KCNIP4: variants seen among roughly 807,000 people sequenced by gnomAD.
KCNIP4 encodes potassium voltage-gated channel interacting protein 4, also known as Kv channel-interacting protein 4.
KCNIP4 carries 12 observed loss-of-function variants against 34.0 expected under a neutral mutation model. That is an observed-to-expected ratio of 0.35 (90% CI 0.23 to 0.57). The LOEUF (loss-of-function observed/expected upper bound fraction) is 0.57, where lower values mean the gene tolerates loss of function less well. Among genes scored for constraint, KCNIP4 ranks in the 20% least tolerant of loss-of-function variants. The pLI is 0.83. For synonymous variants in KCNIP4, 124 were observed against 102.2 expected, an observed-to-expected ratio of 1.21 and a Z score of -1.29; for missense variants, 238 against 311.7, an observed-to-expected ratio of 0.76 and a Z score of 1.78.
intron 1 of KCNIP4, among the ~76,000 whole-genome samples, chr4:21,592,833 AT>A (rs915748560): frequency 7.1e-4 from 108 of 151,976 alleles, no homozygotes; most frequent in Middle Eastern, 3.4e-3. Context: ...CACATAAAAT[AT>A]TTTTTTTGGT....
At chr4:21,191,423 T>C (rs1041334743) in intron 1 of KCNIP4, among the ~76,000 whole-genome samples, 1 of 152,156 alleles carries the variant, frequency 6.6e-6, no homozygotes, top group African/African-American at 2.4e-5. Context: ...TAGGCATTGG[T>C]TTCCCAAACC....
chr4:20,751,540 A>G (rs183592676), intron 4 of KCNIP4, among the ~76,000 whole-genome samples: 252 of 117,206 alleles, frequency 2.2e-3, no homozygotes, highest in African/African-American at 8.6e-3. Flanking sequence ...CAGAGGAGGA[A>G]AAAAAAAAGA....
chr4:21,441,165 G>A (rs190370682), intron 1 of KCNIP4, among the ~76,000 whole-genome samples: 18 of 146,628 alleles, frequency 1.2e-4, no homozygotes, highest in East Asian at 1.0e-3. Context: ...TTTTTGAGAC[G>A]GAGTCTTGCT....
intron 1 of KCNIP4, among the ~76,000 whole-genome samples, chr4:20,884,256 C>T (rs373283662): frequency 1.3e-5 from 2 of 152,090 alleles, no homozygotes; most frequent in South Asian, 2.1e-4. Context: ...ATGTGAAGAA[C>T]GTGCAGGTTT....
chr4:21,813,032 AGGCTACATCTTCTAAT>A (rs1176601628), intron 1 of KCNIP4, among the ~76,000 whole-genome samples: 1 of 152,174 alleles, frequency 6.6e-6, no homozygotes, highest in African/African-American at 2.4e-5. Flanking sequence ...TGCCCCCAAG[AGGCTACATCTTCTAAT>A]GGCTTCTAAC....
At chr4:21,865,612 C>A (rs946673867) in intron 1 of KCNIP4, among the ~76,000 whole-genome samples, 1 of 150,842 alleles carries the variant, frequency 6.6e-6, no homozygotes, top group Non-Finnish European at 1.5e-5. Flanking sequence ...GGTGTGATCT[C>A]GGCTCACTGC....
rs191790708 is a variant in KCNIP4 at position 21,818,455 on chromosome 4, T to C, written c.61+130116A>G. On this transcript the variant is annotated intron_variant, in intron 1 of 8. Transcript: ENST00000382152. Reference sequence around the variant, plus strand: ...TGTGTTTCCCAGTGGCCTGCCCTAATTGAAAACCCCTGATACATATACAGT... The same window carrying C: ...TGTGTTTCCCAGTGGCCTGCCCTAACTGAAAACCCCTGATACATATACAGT... Among the ~76,000 whole-genome samples, 3 of 152,350 alleles carry C rather than the reference T, an allele frequency of 2.0e-5. No homozygotes were observed. In the East Asian group the frequency reaches 5.8e-4, roughly 29 times the overall value.
At chr4:21,426,124 A>G (rs1413602266) in intron 1 of KCNIP4, among the ~76,000 whole-genome samples, 1 of 152,180 alleles carries the variant, frequency 6.6e-6, no homozygotes, top group Non-Finnish European at 1.5e-5. Context: ...ATAAAGTATT[A>G]AGACATGCTA....
At chr4:21,612,090 CA>C (rs1454220443) in intron 1 of KCNIP4, among the ~76,000 whole-genome samples, 1 of 152,048 alleles carries the variant, frequency 6.6e-6, no homozygotes, top group Non-Finnish European at 1.5e-5. Context: ...CCTGTCAACT[CA>C]GAGTTAGAAT....
intron 1 of KCNIP4, among the ~76,000 whole-genome samples, chr4:21,047,672 T>C (rs942079884): frequency 6.6e-6 from 1 of 152,184 alleles, no homozygotes; most frequent in Admixed American, 6.5e-5. Context: ...CCTATTTGAT[T>C]TTAGTCTGTT....
intron 1 of KCNIP4, among the ~76,000 whole-genome samples, chr4:21,166,956 A>G (rs974480900): frequency 2.7e-5 from 4 of 150,486 alleles, no homozygotes; most frequent in Non-Finnish European, 5.9e-5. Context: ...AAAAAAAAAA[A>G]AAAAAAAAGA....
chr4:20,892,851 A>C (rs1005521003), intron 1 of KCNIP4, among the ~76,000 whole-genome samples: 2 of 152,140 alleles, frequency 1.3e-5, no homozygotes, highest in African/African-American at 2.4e-5. Context: ...AAAGGCATCA[A>C]TTTTCCTTGG....
intron 1 of KCNIP4, among the ~76,000 whole-genome samples, chr4:21,519,926 G>A (rs987357932): frequency 6.7e-6 from 1 of 149,826 alleles, no homozygotes; most frequent in Non-Finnish European, 1.5e-5. Flanking sequence ...TTAAGTATTA[G>A]CTGATCACAA....
chr4:21,563,361 A>C (rs1441775344), intron 1 of KCNIP4, among the ~76,000 whole-genome samples: 1 of 152,122 alleles, frequency 6.6e-6, no homozygotes. Flanking sequence ...ATTTTTACAT[A>C]AAGTCTGTTA....
chr4:20,994,371 G>A (rs1737351567), intron 1 of KCNIP4, among the ~76,000 whole-genome samples: 1 of 152,204 alleles, frequency 6.6e-6, no homozygotes, highest in Non-Finnish European at 1.5e-5. Context: ...GTGAGTGTGA[G>A]AATGAGTGTG....
chr4:20,938,673 A>T (rs1422559936), intron 1 of KCNIP4, among the ~76,000 whole-genome samples: 1 of 152,084 alleles, frequency 6.6e-6, no homozygotes, highest in Non-Finnish European at 1.5e-5. Flanking sequence ...TCCCTATCAA[A>T]CCCTTTCCAT....
At chr4:20,947,193 G>A (rs1333996177) in intron 1 of KCNIP4, among the ~76,000 whole-genome samples, 1 of 152,064 alleles carries the variant, frequency 6.6e-6, no homozygotes, top group Non-Finnish European at 1.5e-5. Context: ...TTTTGAGATG[G>A]ATTCTCACTC....
chr4:20,973,058 A>T (rs1467444878), intron 1 of KCNIP4, among the ~76,000 whole-genome samples: 1 of 152,166 alleles, frequency 6.6e-6, no homozygotes, highest in Non-Finnish European at 1.5e-5. Context: ...ACTTAAAATC[A>T]TCAGCTGCAT....
At chr4:21,768,133 T>C (rs1718548049) in intron 1 of KCNIP4, among the ~76,000 whole-genome samples, 1 of 152,100 alleles carries the variant, frequency 6.6e-6, no homozygotes, top group African/African-American at 2.4e-5. Flanking sequence ...AATTTATGAT[T>C]TGTGATTAAA....
Sources: gnomAD v4.1 joint callset for allele counts (sites outside exome capture counted in the v4.1 genomes callset) on GRCh38, gnomAD v4.1.1 for gene constraint, MANE v1.5 for transcripts, NCBI Gene and HGNC (gene_info 2026-07-23, HGNC 2026-07-21) for gene names.